SGK1: variants seen among roughly 807,000 people sequenced by gnomAD.
SGK1 encodes serine/threonine-protein kinase Sgk1.
Under a neutral mutation model 64.2 loss-of-function variants are expected in SGK1, and 26 were observed. The observed-to-expected ratio is 0.40, with a 90% confidence interval of 0.30 to 0.56. The LOEUF is 0.56. SGK1 is among the 20% of genes least tolerant of loss of function. SGK1 has a pLI of 0.38. For missense variants in SGK1, 519 were observed against 645.6 expected (o/e 0.80, Z 2.12); for synonymous variants, 265 against 239.7 (o/e 1.11, Z -0.98).
intron 3 of SGK1, chr6:134,175,428 C>G (rs1463511982): frequency 7.6e-6 from 10 of 1,311,002 alleles, no homozygotes; most frequent in South Asian, 2.0e-5. Context: ...GCCAGGTCCT[C>G]CCGTTCCCGC....
intron 2 of SGK1, 104 bp from the exon 3 acceptor site, chr6:134,207,535 A>T: frequency 1.3e-6 from 1 of 773,492 alleles, no homozygotes; most frequent in Non-Finnish European, 2.2e-6. Flanking sequence ...TGAAACTAGT[A>T]CATATGGCAT....
At chr6:134,205,713 G>A (rs1167136625) in intron 3 of SGK1, among the ~76,000 whole-genome samples, 1 of 152,220 alleles carries the variant, frequency 6.6e-6, no homozygotes, top group Non-Finnish European at 1.5e-5. Context: ...GCATAACAAG[G>A]AAAGGGCTGT....
intron 1 of SGK1, among the ~76,000 whole-genome samples, chr6:134,282,682 C>T (rs1289597398): frequency 6.6e-6 from 1 of 151,350 alleles, no homozygotes; most frequent in Non-Finnish European, 1.5e-5. Flanking sequence ...AAGAGTTTAT[C>T]TTTGGTAATT....
rs191341983 is a variant in SGK1 at position 134,181,041 on chromosome 6, C to T, written c.362-6455G>A. On this transcript the variant is annotated intron_variant, in intron 3 of 13. Coordinates refer to ENST00000367858, the MANE Select transcript of SGK1 (RefSeq NM_001143676.3). Reference sequence around the variant, plus strand: ...GAGAGCTTTGGGGTGAGAGGCCTCCCGCAATATCTGGCCTGGTCGGCCTCC... The same window carrying T: ...GAGAGCTTTGGGGTGAGAGGCCTCCTGCAATATCTGGCCTGGTCGGCCTCC... Among the ~76,000 whole-genome samples the T allele has an allele frequency of 3.3e-3, 497 of 152,256 alleles. 2 individuals carry two copies. Among genetic ancestry groups the T allele is most frequent in the Non-Finnish European group, 5.9e-3 (401 of 68,014 alleles).
At chr6:134,196,441 C>G (rs1435800346) in intron 3 of SGK1, among the ~76,000 whole-genome samples, 1 of 151,192 alleles carries the variant, frequency 6.6e-6, no homozygotes, top group Non-Finnish European at 1.5e-5. Flanking sequence ...ACAAAGAAAA[C>G]AAAGAAAAAA....
chr6:134,244,688 T>C (rs1241229934), intron 2 of SGK1, among the ~76,000 whole-genome samples: 3 of 152,170 alleles, frequency 2.0e-5, no homozygotes, highest in Non-Finnish European at 4.4e-5. Context: ...GGTACCTCAG[T>C]TGGAAATGCA....
At chr6:134,193,518 T>G (rs917754040) in intron 3 of SGK1, among the ~76,000 whole-genome samples, 2 of 151,984 alleles carry the variant, frequency 1.3e-5, no homozygotes, top group Admixed American at 1.3e-4. Context: ...CTCCCTTTGT[T>G]TTTTTTCTAG....
At chr6:134,273,170 A>T (rs1446218599) in intron 1 of SGK1, among the ~76,000 whole-genome samples, 1 of 147,842 alleles carries the variant, frequency 6.8e-6, no homozygotes, top group Non-Finnish European at 1.5e-5. Context: ...GCTTGACACC[A>T]GGTGAATCCT....
At chr6:134,249,256 A>T (rs910619229) in intron 2 of SGK1, among the ~76,000 whole-genome samples, 3 of 152,244 alleles carry the variant, frequency 2.0e-5, no homozygotes, top group Admixed American at 6.5e-5. Context: ...TGTGATTGAA[A>T]CATGAAACAG....
chr6:134,210,811 CAAA>C (rs60820086), intron 2 of SGK1, among the ~76,000 whole-genome samples: 6 of 50,798 alleles, frequency 1.2e-4, no homozygotes, highest in Non-Finnish European at 2.5e-4. Flanking sequence ...GACTCCGTCT[CAAA>C]AAAAAAAAAA....
At chr6:134,261,107 A>C (rs1240195837) in intron 2 of SGK1, 1 of 152,258 alleles carries the variant, frequency 6.6e-6, no homozygotes, top group East Asian at 1.9e-4. Flanking sequence ...TTCTTGGATT[A>C]ACAAAATTTT....
chr6:134,308,020 G>A (rs941507944), intron 1 of SGK1, among the ~76,000 whole-genome samples: 33 of 152,220 alleles, frequency 2.2e-4, no homozygotes, highest in Admixed American at 2.1e-3. Flanking sequence ...TTTCAGAGAA[G>A]CTATGTGAGG....
intron 1 of SGK1, among the ~76,000 whole-genome samples, chr6:134,306,040 A>G (rs1777530082): frequency 6.6e-6 from 1 of 152,218 alleles, no homozygotes; most frequent in African/African-American, 2.4e-5. Context: ...CATAGAGCTC[A>G]TAGTCCAGGA....
intron 2 of SGK1, among the ~76,000 whole-genome samples, chr6:134,223,444 C>T (rs1324062658): frequency 1.3e-5 from 2 of 151,886 alleles, no homozygotes; most frequent in Non-Finnish European, 2.9e-5. Context: ...CACTCCTAGG[C>T]TGTATGGGGA....
At position 134,304,454 on chromosome 6, in the gene SGK1, C is replaced by G. The variant is rs543297095; in HGVS notation, c.69+12938G>C. 8.5e-5 allele frequency among the ~76,000 whole-genome samples: 13 copies of G among 152,152 alleles called. No individual in the cohort carries two copies. In the East Asian group the frequency reaches 2.5e-3, roughly 29 times the overall value. On this transcript the variant is annotated intron_variant, in intron 1 of 13. Coordinates refer to ENST00000367858, the MANE Select transcript of SGK1 (RefSeq NM_001143676.3). ...ATCACTCGAGGTCAGGAGTTTGAGA[C>G]CAGCAAGGCCAACAAGGTGAAACCA... is the stretch of plus-strand genomic sequence containing the variant.
rs1470693641 is a variant in SGK1, at chr6:134,173,059, T to C, written c.798A>G (p.Lys266=). Residue 266 remains lysine (K), a synonymous_variant, in exon 8 of 14, where the codon AAA becomes AAG. Coordinates refer to ENST00000367858, the MANE Select transcript of SGK1 (RefSeq NM_001143676.3). ...TAATGTAGTCTAGGACAAAGTACAA[T>C]TTGTCAGCAGTCTGGAAAGAGAAGT... is the stretch of plus-strand genomic sequence containing the variant. ...GLHFSFQTAD[K]LYFVLDYING... is the part of the protein sequence containing the mutation. 6.2e-7 allele frequency: 1 copy of C among 1,614,138 alleles called. No individual in the cohort carries two copies. Among genetic ancestry groups the C allele is most frequent in the South Asian group, 1.1e-5 (1 of 91,070 alleles).
chr6:134,238,733 A>G (rs1487948604), intron 2 of SGK1, among the ~76,000 whole-genome samples: 1 of 152,158 alleles, frequency 6.6e-6, no homozygotes, highest in Non-Finnish European at 1.5e-5. Flanking sequence ...ACATTAAAGT[A>G]AAAACAATTT....
intron 3 of SGK1, among the ~76,000 whole-genome samples, chr6:134,196,266 A>G (rs550580712): frequency 1.1e-4 from 17 of 151,912 alleles, no homozygotes; most frequent in African/African-American, 3.1e-4. Flanking sequence ...GGGTCTCACT[A>G]TGTTATCCAG....
intron 2 of SGK1, among the ~76,000 whole-genome samples, chr6:134,235,013 T>C (rs943984247): frequency 1.3e-5 from 2 of 152,196 alleles, no homozygotes; most frequent in African/African-American, 4.8e-5. Context: ...TTAATTTTCT[T>C]GAAGAGAAGA....
Sources: allele counts gnomAD v4.1 joint callset (sites outside exome capture counted in the v4.1 genomes callset), GRCh38; gene constraint gnomAD v4.1.1; transcripts MANE v1.5; gene names NCBI Gene and HGNC (gene_info 2026-07-23, HGNC 2026-07-21).